The following CACNA2D3 variants were observed in gnomAD, a reference collection of about 807,000 sequenced individuals.
The protein encoded by CACNA2D3 is calcium voltage-gated channel auxiliary subunit alpha2delta 3.
CACNA2D3 carries 60 observed loss-of-function variants against 160.6 expected under a neutral mutation model. That is an observed-to-expected ratio of 0.37 (90% confidence interval 0.30 to 0.46). CACNA2D3 has a LOEUF of 0.46. CACNA2D3 is among the 20% of genes least tolerant of loss of function. The pLI is 1.00. For missense variants in CACNA2D3, 1,205 were observed against 1,365.0 expected (o/e 0.88, Z 1.85); for synonymous variants, 558 against 492.9 (o/e 1.13, Z -1.75).
chr3:54,171,136 C>CTTTTTTTTTTTTTTTTTTTTTTTTTTT lies in CACNA2D3; in HGVS notation c.204+47564_204+47565insTTTTTTTTTTTTTTTTTTTTTTTTTTT, dbSNP rs57761171. On this transcript the variant is annotated intron_variant, in intron 2 of 37. Coordinates refer to ENST00000474759, the MANE Select transcript of CACNA2D3 (RefSeq NM_018398.3). ...TCTGTTTACATTTTAAAGATGATGA[C>CTTTTTTTTTTTTTTTTTTTTTTTTTTT]TTTTTTTTTTTTTTTTTTTTTTAGG... Among the ~76,000 whole-genome samples the CTTTTTTTTTTTTTTTTTTTTTTTTTTT allele has an allele frequency of 1.3e-4, 8 of 62,560 alleles. 3 individuals are homozygous for CTTTTTTTTTTTTTTTTTTTTTTTTTTT. The highest frequency in any genetic ancestry group is 2.1e-4 in the Non-Finnish European group (7 of 33,972). The allele number at this position is 62,560 out of a possible 152,430, so 41.0% of individuals were successfully genotyped here.
chr3:54,896,432 G>A (rs1294027272), intron 25 of CACNA2D3, among the ~76,000 whole-genome samples: 3 of 152,124 alleles, frequency 2.0e-5, no homozygotes, highest in Non-Finnish European at 2.9e-5. Flanking sequence ...TTGTTTAGAG[G>A]GGACATCCTT....
At chr3:54,372,531 C>G (rs1239016152) in intron 3 of CACNA2D3, among the ~76,000 whole-genome samples, 1 of 152,176 alleles carries the variant, frequency 6.6e-6, no homozygotes, top group East Asian at 1.9e-4. Context: ...ATTTCAGTTT[C>G]TACTGTCAGT....
intron 17 of CACNA2D3, among the ~76,000 whole-genome samples, chr3:54,868,530 G>A (rs992834351): frequency 9.2e-5 from 14 of 152,058 alleles, no homozygotes; most frequent in Non-Finnish European, 1.0e-4. Context: ...TATAAAAAAC[G>A]AATAAAGACA....
intron 2 of CACNA2D3, among the ~76,000 whole-genome samples, chr3:54,219,407 G>A (rs1025941168): frequency 5.9e-5 from 9 of 152,190 alleles, no homozygotes; most frequent in Middle Eastern, 3.4e-3. Context: ...TGGGATATCC[G>A]CTCTGTTTTT....
chr3:54,464,646 G>A (rs1464450984), intron 4 of CACNA2D3, among the ~76,000 whole-genome samples: 1 of 152,192 alleles, frequency 6.6e-6, no homozygotes, highest in Non-Finnish European at 1.5e-5. Flanking sequence ...TATTAGGGTG[G>A]GAGTGACCCA....
intron 11 of CACNA2D3, among the ~76,000 whole-genome samples, chr3:54,668,975 G>C (rs1318564488): frequency 1.3e-5 from 2 of 152,172 alleles, no homozygotes; most frequent in African/African-American, 4.8e-5. Flanking sequence ...AATAGCCTAG[G>C]TCATGTTCCT....
chr3:54,986,117 C>T (rs1702607111), intron 30 of CACNA2D3, among the ~76,000 whole-genome samples: 1 of 152,178 alleles, frequency 6.6e-6, no homozygotes. Flanking sequence ...CTCTAGTCTT[C>T]TGCTCTACTC....
intron 29 of CACNA2D3, among the ~76,000 whole-genome samples, chr3:54,982,955 TTATGCCGACCTACTATCTC>T (rs1344101702): frequency 1.3e-5 from 2 of 152,150 alleles, no homozygotes; most frequent in Non-Finnish European, 2.9e-5. Flanking sequence ...TTGTTGTATC[TTATGCCGACCTACTATCTC>T]ATCCTGTGAC....
intron 4 of CACNA2D3, among the ~76,000 whole-genome samples, chr3:54,478,201 C>T (rs898742142): frequency 1.3e-5 from 2 of 152,026 alleles, no homozygotes; most frequent in African/African-American, 4.8e-5. Flanking sequence ...TTAAAAATAA[C>T]AGCATAATAA....
In CACNA2D3 at chr3:54,927,962, T is replaced by C. The variant is rs745724659; in HGVS notation, c.2449+28094T>C. 8.2e-6 allele frequency: 13 copies of C among 1,588,756 alleles called. 1 individual carries two copies. The South Asian group carries it at 9.9e-5, about 12-fold the overall frequency. ...CTGACCTCGTAGACCCTTTAATTAA[T>C]GTGCAGAGCAACACACGAAGGGCAT... On this transcript the variant is annotated intron_variant, in intron 27 of 37. Coordinates refer to ENST00000474759, the MANE Select transcript of CACNA2D3 (RefSeq NM_018398.3).
chr3:55,064,571 C>T (rs183146872), intron 35 of CACNA2D3, among the ~76,000 whole-genome samples: 160 of 152,282 alleles, frequency 1.1e-3, no homozygotes, highest in Non-Finnish European at 1.6e-3. Flanking sequence ...CCCCATTGGC[C>T]TCTGGACTTC....
intron 2 of CACNA2D3, among the ~76,000 whole-genome samples, chr3:54,168,440 A>C (rs1559869890): frequency 6.6e-6 from 1 of 152,184 alleles, no homozygotes; most frequent in Non-Finnish European, 1.5e-5. Flanking sequence ...AGTGATGTTG[A>C]ATAAGTTAGG....
chr3:54,561,504 G>A (rs78778469), intron 5 of CACNA2D3, among the ~76,000 whole-genome samples: 5,132 of 152,212 alleles, frequency 0.034, 110 homozygotes, highest in Middle Eastern at 0.068. Flanking sequence ...TCCAGGTATA[G>A]GATCATGTCA....
chr3:54,716,713 G>C (rs531924623), intron 11 of CACNA2D3, among the ~76,000 whole-genome samples: 218 of 152,228 alleles, frequency 1.4e-3, no homozygotes, highest in African/African-American at 5.0e-3. Flanking sequence ...AAGTAAAGGA[G>C]TTTTTGGGTT....
At chr3:54,785,834 C>T (rs1026301694) in intron 13 of CACNA2D3, among the ~76,000 whole-genome samples, 13 of 152,156 alleles carry the variant, frequency 8.5e-5, no homozygotes, top group Admixed American at 7.9e-4. Context: ...ATTGATTCCA[C>T]TCTCAGTATA....
chr3:54,787,573 G>C (rs1443857571), intron 13 of CACNA2D3, among the ~76,000 whole-genome samples: 1 of 152,182 alleles, frequency 6.6e-6, no homozygotes, highest in African/African-American at 2.4e-5. Flanking sequence ...ACACAGGAAA[G>C]AAGTGAAAAC....
intron 27 of CACNA2D3, among the ~76,000 whole-genome samples, chr3:54,919,075 C>T (rs894155032): frequency 1.3e-5 from 2 of 151,774 alleles, no homozygotes; most frequent in Non-Finnish European, 2.9e-5. Flanking sequence ...TGGCTAAATA[C>T]TAAAAATGCC....
chr3:54,918,408 A>G, intron 27 of CACNA2D3: 6 of 1,535,870 alleles, frequency 3.9e-6, no homozygotes, highest in Non-Finnish European at 5.3e-6. Flanking sequence ...AGCCCTACTC[A>G]GACACTATCT....
Position 54,763,749 on chromosome 3 carries a change from A to G in CACNA2D3, c.1247-469A>G, listed in dbSNP as rs1298708435. ...TACATATATATGTGTATATATGTGC[A>G]TATATATACACATATATATGTATAT... On this transcript the variant is annotated intron_variant, in intron 12 of 37. Transcript: ENST00000474759. 3.2e-5 allele frequency among the ~76,000 whole-genome samples: 2 copies of G among 62,344 alleles called. 1 individual carries two copies. The highest frequency in any genetic ancestry group is 7.2e-5 in the Non-Finnish European group (2 of 27,826). 40.9% of individuals were successfully genotyped at this position (62,344 alleles called of 152,430 possible).
Sources: gnomAD v4.1 joint callset for allele counts (sites outside exome capture counted in the v4.1 genomes callset) on GRCh38, gnomAD v4.1.1 for gene constraint, MANE v1.5 for transcripts, NCBI Gene and HGNC (gene_info 2026-07-23, HGNC 2026-07-21) for gene names.